Variants in KCND3 observed in about 807,000 individuals in gnomAD.
KCND3 encodes the protein potassium voltage-gated channel subfamily D member 3.
A neutral mutation model predicts 51.1 loss-of-function variants in KCND3; 9 were observed. The ratio of observed to expected loss-of-function variants is 0.18; its 90% confidence interval spans 0.11 to 0.31. The LOEUF is 0.31. Among genes scored for constraint, KCND3 ranks in the 10% least tolerant of loss-of-function variants. KCND3 has a pLI of 1.00. For synonymous variants in KCND3, 349 were observed against 368.0 expected (o/e 0.95, Z 0.59); for missense variants, 526 against 903.8 (o/e 0.58, Z 5.36).
intron 2 of KCND3, among the ~76,000 whole-genome samples, chr1:111,905,575 T>C (rs1240331819): frequency 6.6e-6 from 1 of 152,172 alleles, no homozygotes; most frequent in Non-Finnish European, 1.5e-5. Flanking sequence ...TGCAGATTTG[T>C]GGGTCTCGCT....
intron 2 of KCND3, among the ~76,000 whole-genome samples, chr1:111,797,394 C>T (rs1665102248): frequency 6.6e-6 from 1 of 152,160 alleles, no homozygotes; most frequent in Admixed American, 6.5e-5. Flanking sequence ...CTCCACCTAC[C>T]CATAGCCCCT....
At chr1:111,827,431 C>T (rs914502006) in intron 2 of KCND3, among the ~76,000 whole-genome samples, 4 of 152,250 alleles carry the variant, frequency 2.6e-5, no homozygotes, top group South Asian at 2.1e-4. Flanking sequence ...CACAGGAATC[C>T]GAGATATTGC....
chr1:111,784,193 A>G (rs1422633812), intron 3 of KCND3, among the ~76,000 whole-genome samples: 2 of 151,920 alleles, frequency 1.3e-5, no homozygotes, highest in African/African-American at 4.8e-5. Context: ...TAGGTTGTAC[A>G]ATGTCCATAT....
intron 2 of KCND3, among the ~76,000 whole-genome samples, chr1:111,872,690 A>G (rs1668879783): frequency 6.6e-6 from 1 of 152,332 alleles, no homozygotes; most frequent in Non-Finnish European, 1.5e-5. Context: ...GTGCCAGACA[A>G]TAAATGAACA....
At chr1:111,805,587 A>T (rs940033007) in intron 2 of KCND3, among the ~76,000 whole-genome samples, 7 of 152,252 alleles carry the variant, frequency 4.6e-5, no homozygotes, top group Admixed American at 3.3e-4. Context: ...TCCTAGGGGA[A>T]TGTAAGTCAA....
chr1:111,940,500 T>C (rs1449973176), intron 2 of KCND3, among the ~76,000 whole-genome samples: 1 of 152,210 alleles, frequency 6.6e-6, no homozygotes, highest in Non-Finnish European at 1.5e-5. Context: ...TCCCCATTGC[T>C]TGTTTTTGTC....
chr1:111,800,344 C>G lies in KCND3; in HGVS notation c.1107-13238G>C, dbSNP rs536842564. Among the ~76,000 whole-genome samples, 39 of 91,336 alleles carry G rather than the reference C, an allele frequency of 4.3e-4. 3 individuals are homozygous for G. The East Asian group carries it at 8.0e-3, about 19-fold the overall frequency. 59.9% of individuals were successfully genotyped at this position (91,336 alleles called of 152,430 possible). ...TTGTTAAACAGATGCTTGAAGGCAG[C>G]ATGCTCGTTAAGAGTCATCACCAAT... is the stretch of plus-strand genomic sequence containing the variant. On this transcript the variant is annotated intron_variant, in intron 2 of 7. Transcript: ENST00000302127.
chr1:111,878,785 T>C (rs951865168), intron 2 of KCND3, among the ~76,000 whole-genome samples: 2 of 152,194 alleles, frequency 1.3e-5, no homozygotes, highest in African/African-American at 4.8e-5. Context: ...TGATTAATTT[T>C]ATGTGTTGAC....
chr1:111,886,019 G>A (rs1018377981), intron 2 of KCND3, among the ~76,000 whole-genome samples: 3 of 152,192 alleles, frequency 2.0e-5, no homozygotes, highest in Admixed American at 6.5e-5. Flanking sequence ...CTCAAGTAAT[G>A]TAATTAAAAA....
intron 2 of KCND3, among the ~76,000 whole-genome samples, chr1:111,883,205 A>G (rs1669419182): frequency 6.6e-6 from 1 of 152,254 alleles, no homozygotes; most frequent in African/African-American, 2.4e-5. Flanking sequence ...GCCACGTGCC[A>G]GGCACTGAGC....
At chr1:111,818,040 GCACACACACACA>G (rs59035556) in intron 2 of KCND3, among the ~76,000 whole-genome samples, 6,071 of 148,068 alleles carry the variant, frequency 0.041, 134 homozygotes, top group African/African-American at 0.053. Flanking sequence ...ACACGCGCGT[GCACACACACACA>G]CACACACACA....
At chr1:111,890,941 A>T (rs1004064811) in intron 2 of KCND3, among the ~76,000 whole-genome samples, 1 of 152,150 alleles carries the variant, frequency 6.6e-6, no homozygotes, top group Non-Finnish European at 1.5e-5. Context: ...CTGGACAAGA[A>T]GTGTTTCGGG....
At chr1:111,905,706 TG>T (rs1284274587) in intron 2 of KCND3, among the ~76,000 whole-genome samples, 1 of 152,132 alleles carries the variant, frequency 6.6e-6, no homozygotes, top group Non-Finnish European at 1.5e-5. Flanking sequence ...TCAGGAGCCT[TG>T]GTGAGCACAT....
Position 111,981,511 on chromosome 1 carries a change from G to A in KCND3, c.1106+110C>T. On this transcript the variant is annotated intron_variant, in intron 2 of 7. Transcript: ENST00000302127. The surrounding 1 kb of genome is among the most constrained non-coding windows in gnomAD (Gnocchi z 6.2). ...CAACTTCCCCTGCCCCCAACACTTG[G>A]GTAAGGGACTCCCTCCTCCTCTACC... The A allele has an allele frequency of 6.6e-7, 1 of 1,510,012 alleles. No homozygotes were observed. Among genetic ancestry groups the A allele is most frequent in the Non-Finnish European group, 9.2e-7 (1 of 1,089,418 alleles). 93.5% of individuals were successfully genotyped at this position (1,510,012 alleles called of 1,614,324 possible).
chr1:111,932,272 G>A (rs1672011389), intron 2 of KCND3, among the ~76,000 whole-genome samples: 1 of 152,224 alleles, frequency 6.6e-6, no homozygotes, highest in African/African-American at 2.4e-5. Context: ...CACGGGAGCA[G>A]GGGATGAGAG....
chr1:111,831,557 T>C (rs1169177582), intron 2 of KCND3, among the ~76,000 whole-genome samples: 1 of 152,168 alleles, frequency 6.6e-6, no homozygotes, highest in East Asian at 1.9e-4. Flanking sequence ...AATTACCCAG[T>C]CTCAGGTATT....
chr1:111,798,609 T>C (rs948963953), intron 2 of KCND3, among the ~76,000 whole-genome samples: 1 of 151,810 alleles, frequency 6.6e-6, no homozygotes, highest in African/African-American at 2.4e-5. Flanking sequence ...TGGTGTGTGT[T>C]CCATGGACTG....
chr1:111,781,324 C>T (rs1175519493), intron 3 of KCND3, among the ~76,000 whole-genome samples: 2 of 152,140 alleles, frequency 1.3e-5, no homozygotes, highest in Non-Finnish European at 2.9e-5. Context: ...GCACGTATTA[C>T]TAAGGAAATA....
chr1:111,776,669 T>G (rs1424200626), intron 7 of KCND3, among the ~76,000 whole-genome samples: 1 of 152,144 alleles, frequency 6.6e-6, no homozygotes, highest in Non-Finnish European at 1.5e-5. Context: ...AAGCCATGAG[T>G]AACACAGATA....
Sources: allele counts gnomAD v4.1 joint callset (sites outside exome capture counted in the v4.1 genomes callset), GRCh38; gene constraint gnomAD v4.1.1; non-coding constraint Gnocchi (gnomAD v3.1); transcripts MANE v1.5; gene names NCBI Gene and HGNC (gene_info 2026-07-23, HGNC 2026-07-21).